SPATA17: variants seen among roughly 807,000 people sequenced by gnomAD.
SPATA17 encodes the protein spermatogenesis-associated protein 17.
In SPATA17, 53 loss-of-function variants were observed where a neutral mutation model predicts 62.2. The ratio of observed to expected loss-of-function variants is 0.85; its 90% confidence interval spans 0.68 to 1.07. The LOEUF (loss-of-function observed/expected upper bound fraction) is 1.07. Ranked by LOEUF, SPATA17 falls within the 50% of genes least tolerant of loss-of-function variation. The pLI is 0.00. For missense variants in SPATA17, 466 were observed against 425.5 expected, an observed-to-expected ratio of 1.10 and a Z score of -0.84; for synonymous variants, 146 against 146.8, an observed-to-expected ratio of 0.99 and a Z score of 0.04.
At chr1:217,733,784 G>A (rs982382314) in intron 5 of SPATA17, among the ~76,000 whole-genome samples, 6 of 152,086 alleles carry the variant, frequency 3.9e-5, no homozygotes, top group Admixed American at 2.6e-4. Flanking sequence ...ATTTTTTAAT[G>A]AGAGGACCTT....
chr1:217,788,364 GC>G (rs1411437789), intron 8 of SPATA17, among the ~76,000 whole-genome samples: 3 of 152,102 alleles, frequency 2.0e-5, no homozygotes. Flanking sequence ...GCATAATAAT[GC>G]TTCCCCAATC....
intron 3 of SPATA17, among the ~76,000 whole-genome samples, chr1:217,666,347 A>G (rs1670694174): frequency 6.6e-6 from 1 of 152,138 alleles, no homozygotes; most frequent in Non-Finnish European, 1.5e-5. Flanking sequence ...TTTTTTAAGA[A>G]CTAGAGCCTT....
intron 9 of SPATA17, among the ~76,000 whole-genome samples, chr1:217,814,870 T>C (rs1389837587): frequency 6.6e-6 from 1 of 151,956 alleles, no homozygotes; most frequent in Non-Finnish European, 1.5e-5. Flanking sequence ...AATAAGAAGT[T>C]TGTAAGTCTC....
At chr1:217,714,502 T>TTTTTTTTTTTTA (rs1294219534) in intron 5 of SPATA17, among the ~76,000 whole-genome samples, 1 of 148,546 alleles carries the variant, frequency 6.7e-6, no homozygotes, top group African/African-American at 2.5e-5. Context: ...TTTTTTTTTT[T>TTTTTTTTTTTTA]GAGACAGAGT....
intron 9 of SPATA17, among the ~76,000 whole-genome samples, chr1:217,833,745 C>A (rs1034899128): frequency 1.7e-4 from 26 of 152,050 alleles, no homozygotes; most frequent in Non-Finnish European, 7.4e-5. Flanking sequence ...GACATCTGAC[C>A]TTTTAGAAAA....
chr1:217,713,537 G>A (rs1653773997), intron 5 of SPATA17, among the ~76,000 whole-genome samples: 1 of 152,158 alleles, frequency 6.6e-6, no homozygotes, highest in African/African-American at 2.4e-5. Context: ...TCTATGGAGG[G>A]AATAGATTCT....
chr1:217,844,850 A>G (rs1418046068), intron 9 of SPATA17, among the ~76,000 whole-genome samples: 1 of 152,090 alleles, frequency 6.6e-6, no homozygotes, highest in Admixed American at 6.6e-5. Context: ...TAGTATTACA[A>G]ATTAAATATC....
At chr1:217,841,605 G>A (rs1675404210) in intron 9 of SPATA17, among the ~76,000 whole-genome samples, 1 of 151,672 alleles carries the variant, frequency 6.6e-6, no homozygotes, top group South Asian at 2.1e-4. Context: ...CAATATTACT[G>A]ATTCTTCTTC....
intron 5 of SPATA17, among the ~76,000 whole-genome samples, chr1:217,704,221 T>A (rs1671676695): frequency 7.6e-6 from 1 of 131,030 alleles, no homozygotes; most frequent in Non-Finnish European, 1.6e-5. Flanking sequence ...CTCTCCTCCT[T>A]CCCTCTACCT....
chr1:217,849,250 C>A (rs1675592633), intron 9 of SPATA17, among the ~76,000 whole-genome samples: 3 of 152,114 alleles, frequency 2.0e-5, no homozygotes, highest in Admixed American at 2.0e-4. Flanking sequence ...CCTTGTCCTG[C>A]CTGAGCCAGG....
intron 5 of SPATA17, among the ~76,000 whole-genome samples, chr1:217,740,945 T>C (rs1370538386): frequency 1.3e-5 from 2 of 152,224 alleles, no homozygotes; most frequent in Non-Finnish European, 2.9e-5. Context: ...GTTTCATAAG[T>C]AACCTTGTAT....
chr1:217,862,717 G>A (rs2103016812), intron 9 of SPATA17, 57 bp from the exon 10 acceptor site: 2 of 1,207,672 alleles, frequency 1.7e-6, no homozygotes, highest in South Asian at 2.7e-5. Flanking sequence ...AACAATAATG[G>A]TAATAACATA....
intron 8 of SPATA17, among the ~76,000 whole-genome samples, chr1:217,790,427 GT>G (rs1000735021): frequency 1.3e-5 from 2 of 152,082 alleles, no homozygotes; most frequent in African/African-American, 4.8e-5. Context: ...TCAGTAAAAA[GT>G]AAGTAAATTA....
At chr1:217,799,758 G>T (rs1039161368) in intron 8 of SPATA17, among the ~76,000 whole-genome samples, 1 of 151,802 alleles carries the variant, frequency 6.6e-6, no homozygotes, top group African/African-American at 2.4e-5. Context: ...ATTTTCCATT[G>T]AATTTAGACT....
At chr1:217,796,772 C>A (rs1178825716) in intron 8 of SPATA17, among the ~76,000 whole-genome samples, 4 of 152,124 alleles carry the variant, frequency 2.6e-5, no homozygotes, top group Non-Finnish European at 5.9e-5. Flanking sequence ...GTTTTGAAAT[C>A]TTTCTGTTCA....
Position 217,801,766 on chromosome 1 carries a change from A to G in SPATA17, c.921A>G (p.Ser307=). ...SYHKNEKYIP[S]MHLSSKYGPI... is the part of the protein sequence containing the mutation. Reference sequence around the variant, plus strand: ...ATAAAAATGAAAAGTACATCCCATCAATGCATTTATCAAGCAAGTATGGTC... The same window carrying G: ...ATAAAAATGAAAAGTACATCCCATCGATGCATTTATCAAGCAAGTATGGTC... Residue 307 remains serine, a synonymous_variant, in exon 9 of 11, where the codon TCA becomes TCG. Coordinates refer to ENST00000366933, the MANE Select transcript of SPATA17 (RefSeq NM_138796.4). The G allele has an allele frequency of 6.2e-7, 1 of 1,610,698 alleles. No homozygotes were observed. The highest frequency in any genetic ancestry group is 8.5e-7 in the Non-Finnish European group (1 of 1,178,676).
chr1:217,651,491 T>C (rs1670312234), intron 3 of SPATA17, among the ~76,000 whole-genome samples: 3 of 152,170 alleles, frequency 2.0e-5, no homozygotes, highest in Admixed American at 2.0e-4. Flanking sequence ...TTTTTGAGAG[T>C]GGGCACTGCA....
chr1:217,651,998 T>C (rs1670326122), intron 3 of SPATA17, among the ~76,000 whole-genome samples: 3 of 152,212 alleles, frequency 2.0e-5, no homozygotes, highest in South Asian at 4.1e-4. Context: ...AGTTTTTACA[T>C]TGGGCACAGT....
At chr1:217,654,990 G>T (rs57776138) in intron 3 of SPATA17, among the ~76,000 whole-genome samples, 3 of 152,132 alleles carry the variant, frequency 2.0e-5, no homozygotes, top group Admixed American at 2.0e-4. Context: ...GATTATAGGC[G>T]TGAGCCACCG....
Sources: allele counts gnomAD v4.1 joint callset (sites outside exome capture counted in the v4.1 genomes callset), GRCh38; gene constraint gnomAD v4.1.1; transcripts MANE v1.5; gene names NCBI Gene and HGNC (gene_info 2026-07-23, HGNC 2026-07-21).